The following NRG1 variants were observed in gnomAD, a reference collection of about 807,000 sequenced individuals.
The protein encoded by NRG1 is neuregulin 1, also known as pro-neuregulin-1, membrane-bound isoform.
In NRG1, 18 loss-of-function variants were observed where a neutral mutation model predicts 63.8. The ratio of observed to expected loss-of-function variants is 0.28; its 90% CI spans 0.19 to 0.42. The LOEUF (loss-of-function observed/expected upper bound fraction) is 0.42, where lower values mean the gene tolerates loss of function less well. Ranked by LOEUF, NRG1 falls within the 10% of genes least tolerant of loss-of-function variation. The pLI, the probability that NRG1 is intolerant of heterozygous loss-of-function variation, is 1.00. For synonymous variants in NRG1, 302 were observed against 301.3 expected, an observed-to-expected ratio of 1.00 and a Z score of -0.02; for missense variants, 762 against 814.7, an observed-to-expected ratio of 0.94 and a Z score of 0.79.
intron 1 of NRG1, among the ~76,000 whole-genome samples, chr8:31,887,577 A>T (rs1182704985): frequency 6.6e-6 from 1 of 152,046 alleles, no homozygotes; most frequent in African/African-American, 2.4e-5. Flanking sequence ...TAAAAGTTTT[A>T]GGGGGAAACA....
intron 1 of NRG1, among the ~76,000 whole-genome samples, chr8:31,908,691 C>A (rs1832713121): frequency 6.6e-6 from 1 of 151,990 alleles, no homozygotes; most frequent in African/African-American, 2.4e-5. Context: ...GTAAATATTG[C>A]CAAAATATTA....
chr8:32,235,852 A>G (rs549644436), intron 1 of NRG1, among the ~76,000 whole-genome samples: 239 of 151,984 alleles, frequency 1.6e-3, no homozygotes, highest in African/African-American at 5.6e-3. Flanking sequence ...CTCAAAAGGT[A>G]GTCCTTGAAT....
intron 7 of NRG1, chr8:32,751,164 A>T (rs538711689): frequency 1.3e-5 from 2 of 152,274 alleles, no homozygotes; most frequent in Non-Finnish European, 2.9e-5. Context: ...TCTCAAAGGT[A>T]CAGTTTCCAG....
intron 1 of NRG1, among the ~76,000 whole-genome samples, chr8:32,225,078 G>C (rs917857339): frequency 6.6e-6 from 1 of 152,170 alleles, no homozygotes; most frequent in Non-Finnish European, 1.5e-5. Flanking sequence ...TTAAAGAGCA[G>C]CATTTAAAAT....
At chr8:31,918,059 T>C (rs1333444428) in intron 1 of NRG1, among the ~76,000 whole-genome samples, 1 of 152,194 alleles carries the variant, frequency 6.6e-6, no homozygotes, top group African/African-American at 2.4e-5. Flanking sequence ...TTTTGTATCC[T>C]GAGACTTTGC....
chr8:32,748,322 T>G (rs1325174507), intron 7 of NRG1, among the ~76,000 whole-genome samples: 3 of 139,500 alleles, frequency 2.2e-5, no homozygotes, highest in Non-Finnish European at 3.1e-5. Context: ...CATAGGCGCA[T>G]GTACACGCGC....
At chr8:32,702,024 T>C (rs1005838481) in intron 5 of NRG1, among the ~76,000 whole-genome samples, 5 of 152,232 alleles carry the variant, frequency 3.3e-5, no homozygotes, top group African/African-American at 1.2e-4. Context: ...CTCAGATGAC[T>C]CTTTTTGTAA....
chr8:31,640,675 G>A lies in NRG1; in HGVS notation c.37+1244G>A. 6.2e-7 allele frequency: 1 copy of A among 1,607,404 alleles called. No individual in the cohort carries two copies. Among genetic ancestry groups the A allele is most frequent in the African/African-American group, 1.3e-5 (1 of 74,568 alleles). ...CTTCCGAGCCTCTTTCCCCCCTCTGGAGACGGGCCGGAACCTCAAGAAGGA... is the reference window on the plus strand; with the variant it reads ...CTTCCGAGCCTCTTTCCCCCCTCTGAAGACGGGCCGGAACCTCAAGAAGGA... On this transcript the variant is annotated intron_variant, in intron 1 of 10. Transcript: ENST00000519301. This position sits in a 1 kb window ranked among gnomAD's most constrained non-coding sequence, Gnocchi z 6.3.
intron 1 of NRG1, among the ~76,000 whole-genome samples, chr8:32,133,203 A>T (rs1835075905): frequency 6.6e-6 from 1 of 152,106 alleles, no homozygotes; most frequent in Admixed American, 6.6e-5. Context: ...GGCAGGAAAA[A>T]GAATTCATAT....
At chr8:31,804,779 T>C (rs1243735393) in intron 1 of NRG1, among the ~76,000 whole-genome samples, 1 of 152,216 alleles carries the variant, frequency 6.6e-6, no homozygotes, top group Non-Finnish European at 1.5e-5. Flanking sequence ...CCTTTACTTG[T>C]GGTCAACTGA....
intron 1 of NRG1, among the ~76,000 whole-genome samples, chr8:32,409,748 T>C (rs1814622673): frequency 6.6e-6 from 1 of 152,206 alleles, no homozygotes; most frequent in Non-Finnish European, 1.5e-5. Context: ...AGTTAACTTC[T>C]CTCTCTTTTT....
At chr8:31,992,670 A>G (rs1026524464) in intron 1 of NRG1, among the ~76,000 whole-genome samples, 2 of 152,072 alleles carry the variant, frequency 1.3e-5, no homozygotes, top group African/African-American at 4.8e-5. Flanking sequence ...CACATTTGAA[A>G]GCACTGTTGC....
intron 6 of NRG1, among the ~76,000 whole-genome samples, chr8:32,739,911 A>C (rs1393822402): frequency 1.3e-5 from 2 of 152,128 alleles, no homozygotes; most frequent in Non-Finnish European, 2.9e-5. Flanking sequence ...GAGAATTTTA[A>C]CTTTTATCAA....
rs549945600 is a variant in NRG1 at position 31,741,458 on chromosome 8, AAAG to A, written c.37+102030_37+102032del. Among the ~76,000 whole-genome samples, 24 of 149,010 alleles carry A rather than the reference AAAG, an allele frequency of 1.6e-4. No individual in the cohort carries two copies. The East Asian group carries it at 5.3e-3, about 33-fold the overall frequency. On this transcript the variant is annotated intron_variant, in intron 1 of 10. Transcript: ENST00000519301. ...AAACCTGAGAAGACAGGCCGCAAAAAAAGAAATATGGAATACATTTAACCTACA... is the reference window on the plus strand; with the variant it reads ...AAACCTGAGAAGACAGGCCGCAAAAAAAATATGGAATACATTTAACCTACA...
intron 1 of NRG1, among the ~76,000 whole-genome samples, chr8:32,493,308 G>T (rs1331002139): frequency 6.6e-6 from 1 of 152,036 alleles, no homozygotes; most frequent in African/African-American, 2.4e-5. Flanking sequence ...ACAGAGTCTG[G>T]ATTAGAGCTG....
At chr8:32,155,437 C>T (rs960278398) in intron 1 of NRG1, among the ~76,000 whole-genome samples, 1 of 152,128 alleles carries the variant, frequency 6.6e-6, no homozygotes, top group African/African-American at 2.4e-5. Flanking sequence ...GGGAGAATAA[C>T]ACATTCCCCT....
intron 1 of NRG1, among the ~76,000 whole-genome samples, chr8:32,179,272 G>C (rs576597086): frequency 1.7e-4 from 26 of 150,614 alleles, no homozygotes; most frequent in Non-Finnish European, 3.2e-4. Flanking sequence ...AGAGCTCAGA[G>C]AGCTGCTCCT....
intron 5 of NRG1, among the ~76,000 whole-genome samples, chr8:32,686,749 G>A (rs1163093641): frequency 1.3e-5 from 2 of 152,174 alleles, no homozygotes; most frequent in African/African-American, 2.4e-5. Flanking sequence ...AGGGAGCCCC[G>A]GAGACTGTGA....
intron 1 of NRG1, among the ~76,000 whole-genome samples, chr8:32,047,421 G>T (rs1821184526): frequency 6.6e-6 from 1 of 151,938 alleles, no homozygotes; most frequent in Admixed American, 6.6e-5. Context: ...GTTGAAAGGA[G>T]AATATAAACC....
Sources: gnomAD v4.1 joint callset for allele counts (sites outside exome capture counted in the v4.1 genomes callset) on GRCh38, gnomAD v4.1.1 for gene constraint, Gnocchi (gnomAD v3.1) non-coding constraint, MANE v1.5 for transcripts, NCBI Gene and HGNC (gene_info 2026-07-23, HGNC 2026-07-21) for gene names.